The following ZNF117 variants were observed in gnomAD, a reference collection of about 807,000 sequenced individuals.
The protein encoded by ZNF117 is zinc finger protein 117.
ZNF117 carries 37 observed loss-of-function variants against 41.2 expected under a neutral mutation model. The observed-to-expected ratio is 0.90, with a 90% CI of 0.69 to 1.18. The LOEUF (loss-of-function observed/expected upper bound fraction) is 1.18, where lower values mean the gene tolerates loss of function less well. Among genes scored for constraint, ZNF117 ranks in the 50% most tolerant of loss-of-function variants. ZNF117 has a pLI of 0.00. For synonymous variants in ZNF117, 186 were observed against 186.6 expected (o/e 1.00, Z 0.02); for missense variants, 546 against 557.5 (o/e 0.98, Z 0.21).
chr7:64,981,826 C>T (rs1337606237), intron 1 of ZNF117, among the ~76,000 whole-genome samples, 158 bp downstream of exon 2: 8 of 151,970 alleles, frequency 5.3e-5, no homozygotes. Flanking sequence ...GATGAAACAT[C>T]TTGAATAAAC....
At chr7:64,984,008 T>TTA (rs1488382126), upstream of ZNF117, among the ~76,000 whole-genome samples, 1 of 152,234 alleles carries the variant, frequency 6.6e-6, no homozygotes, top group Admixed American at 6.5e-5. Context: ...AACGTGAGCA[T>TTA]TATGAAGAAA....
intron 1 of ZNF117, among the ~76,000 whole-genome samples, chr7:64,989,019 C>A: frequency 6.6e-6 from 1 of 151,880 alleles, no homozygotes; most frequent in South Asian, 2.1e-4. Context: ...GCCATACTGC[C>A]AAAAGAAATT....
chr7:64,983,945 T>C (rs1288478089), upstream of ZNF117, among the ~76,000 whole-genome samples: 1 of 152,354 alleles, frequency 6.6e-6, no homozygotes, highest in East Asian at 1.9e-4. Flanking sequence ...GAAAATATTC[T>C]GCTAATCAAT....
exon 3 of ZNF117, chr7:64,977,471 C>A: frequency 2.1e-6 from 1 of 470,410 alleles, no homozygotes; most frequent in Non-Finnish European, 4.2e-6. Flanking sequence ...TGCCACATTC[C>A]TCACATTTGT....
chr7:64,979,650 T>C (rs1785981730), intron 2 of ZNF117, 114 bp from the exon 4 acceptor site: 5 of 780,642 alleles, frequency 6.4e-6, no homozygotes, highest in Admixed American at 3.7e-5. Context: ...CATAGCAAAA[T>C]ACCACAGGTT....
At chr7:64,978,400 A>G in exon 3 of ZNF117, 1 of 1,613,664 alleles carries the variant, frequency 6.2e-7, no homozygotes. Context: ...GATTCTCTAC[A>G]TTTGTGGGGA....
chr7:64,977,933 T>G, exon 3 of ZNF117: 2 of 1,234,910 alleles, frequency 1.6e-6, no homozygotes, highest in Non-Finnish European at 2.4e-6. Flanking sequence ...TTCTTTTATG[T>G]GTAGAAAGGG....
At chr7:64,983,444 G>T (rs1219310805), upstream of ZNF117, among the ~76,000 whole-genome samples, 1 of 152,152 alleles carries the variant, frequency 6.6e-6, no homozygotes, top group East Asian at 1.9e-4. Flanking sequence ...ACTATCATAA[G>T]AATTTTAAAA....
At chr7:64,977,847 T>A (rs1785924301) in exon 3 of ZNF117, 1 of 1,122,282 alleles carries the variant, frequency 8.9e-7, no homozygotes, top group Admixed American at 1.8e-5. Context: ...AATTTTCTTA[T>A]GTTTAATAAG....
chr7:64,985,950 C>CAAAAAAAAA (rs66524694), upstream of ZNF117, among the ~76,000 whole-genome samples: 20 of 81,938 alleles, frequency 2.4e-4, no homozygotes, highest in Middle Eastern at 7.7e-3. Flanking sequence ...GACTCCATCT[C>CAAAAAAAAA]AAAAAAAAAA....
At chr7:64,978,190 T>G in exon 3 of ZNF117, 1 of 1,612,898 alleles carries the variant, frequency 6.2e-7, no homozygotes, top group Non-Finnish European at 8.5e-7. Flanking sequence ...TTATGTGTAG[T>G]AAGTGTTGAA....
chr7:64,978,407 G>T (rs780437584), exon 3 of ZNF117: 13 of 1,612,784 alleles, frequency 8.1e-6, no homozygotes, highest in Admixed American at 6.7e-5. Flanking sequence ...TACATTTGTG[G>T]GGATTCTCTC....
exon 3 of ZNF117, chr7:64,975,100 ACT>A (rs1785852431): frequency 6.6e-6 from 1 of 151,916 alleles, no homozygotes; most frequent in African/African-American, 2.4e-5. Context: ...ATGTTAGTCC[ACT>A]CTGTTATTAA....
At chr7:64,988,446 T>C (rs1786181054) in intron 1 of ZNF117, among the ~76,000 whole-genome samples, 1 of 152,150 alleles carries the variant, frequency 6.6e-6, no homozygotes, top group South Asian at 2.1e-4. Context: ...GCATAGAAGA[T>C]ACATACTTCA....
At chr7:64,988,756 C>A (rs1230950945) in intron 1 of ZNF117, among the ~76,000 whole-genome samples, 1 of 152,108 alleles carries the variant, frequency 6.6e-6, no homozygotes, top group African/African-American at 2.4e-5. Flanking sequence ...CTTCACAATA[C>A]AAAGCAAATG....
chr7:64,981,544 A>C, intron 1 of ZNF117, 62 bp from the exon 3 acceptor site: 1 of 1,355,978 alleles, frequency 7.4e-7, no homozygotes, highest in Non-Finnish European at 1.0e-6. Flanking sequence ...CAACTTGGTA[A>C]TGTGCTCAGT....
upstream of ZNF117, among the ~76,000 whole-genome samples, chr7:64,986,418 T>A (rs1448243504): frequency 1.3e-5 from 2 of 152,078 alleles, no homozygotes; most frequent in Non-Finnish European, 2.9e-5. Flanking sequence ...TTTTTTAACA[T>A]AAGATGATGC....
At chr7:64,978,212 A>C (rs1354754493) in exon 3 of ZNF117, 1 of 1,612,908 alleles carries the variant, frequency 6.2e-7, no homozygotes, top group Non-Finnish European at 8.5e-7. Context: ...ATTGGTTAAA[A>C]GCTTTGCCAC....
exon 3 of ZNF117, chr7:64,977,634 C>T (rs1584045673): frequency 1.4e-6 from 1 of 723,310 alleles, no homozygotes; most frequent in East Asian, 4.4e-5. Flanking sequence ...AGCTTTGCCA[C>T]ATTCTTCACA....
Sources: allele counts gnomAD v4.1 joint callset (sites outside exome capture counted in the v4.1 genomes callset), GRCh38; gene constraint gnomAD v4.1.1; transcripts MANE v1.5; gene names NCBI Gene and HGNC (gene_info 2026-07-23, HGNC 2026-07-21).